The following PDE1A variants were observed in gnomAD, a reference collection of about 807,000 sequenced individuals.
The protein encoded by PDE1A is phosphodiesterase 1A, also known as dual specificity calcium/calmodulin-dependent 3',5'-cyclic nucleotide phosphodiesterase 1A.
PDE1A carries 35 observed loss-of-function variants against 61.7 expected under a neutral mutation model. That is an observed-to-expected ratio of 0.57 (90% CI 0.43 to 0.75). PDE1A has a LOEUF of 0.75. PDE1A is among the 30% of genes least tolerant of loss of function. The pLI, the probability that PDE1A is intolerant of heterozygous loss-of-function variation, is 0.00. For missense variants in PDE1A, 597 were observed against 630.6 expected, an observed-to-expected ratio of 0.95 and a Z score of 0.57; for synonymous variants, 232 against 213.2, an observed-to-expected ratio of 1.09 and a Z score of -0.77.
At chr2:182,560,265 C>T in the PDE1A span, among the ~76,000 whole-genome samples, 5 of 140,976 alleles carry the variant, frequency 3.5e-5, no homozygotes, top group East Asian at 2.1e-4. Context: ...TTCCTGTGTC[C>T]GTGTGTTCTC....
intron 13 of PDE1A, among the ~76,000 whole-genome samples, chr2:182,175,349 T>C (rs1450517285): frequency 6.6e-6 from 1 of 152,216 alleles, no homozygotes; most frequent in African/African-American, 2.4e-5. Flanking sequence ...GTATCTGTTA[T>C]TTCCTGACTT....
At chr2:182,430,501 T>C (rs1321919076), upstream of PDE1A, among the ~76,000 whole-genome samples, 10 of 76,472 alleles carry the variant, frequency 1.3e-4, no homozygotes, top group South Asian at 2.9e-3. Flanking sequence ...ACTTTTACAC[T>C]GTTGGTGGGA....
chr2:182,388,206 G>C (rs1701227399), intron 1 of PDE1A, among the ~76,000 whole-genome samples: 1 of 152,088 alleles, frequency 6.6e-6, no homozygotes, highest in African/African-American at 2.4e-5. Flanking sequence ...GATCTGAAGA[G>C]AGAGACACAC....
At chr2:182,191,983 G>A (rs1685738454) in intron 10 of PDE1A, among the ~76,000 whole-genome samples, 2 of 151,802 alleles carry the variant, frequency 1.3e-5, no homozygotes, top group African/African-American at 2.4e-5. Context: ...AGCCTCCCAA[G>A]TAGCTGGGAT....
At chr2:182,686,500 A>G in the PDE1A span, among the ~76,000 whole-genome samples, 1 of 152,354 alleles carries the variant, frequency 6.6e-6, no homozygotes, top group Non-Finnish European at 1.5e-5. Flanking sequence ...TTGGTCTGAA[A>G]TAGCAAGTAA....
At chr2:182,190,107 G>T (rs553058352) in intron 10 of PDE1A, among the ~76,000 whole-genome samples, 1 of 152,308 alleles carries the variant, frequency 6.6e-6, no homozygotes, top group Admixed American at 6.5e-5. Flanking sequence ...ACAACTGTTT[G>T]AGAATATCTT....
the PDE1A span, among the ~76,000 whole-genome samples, chr2:182,634,047 C>T: frequency 6.6e-6 from 1 of 151,930 alleles, no homozygotes; most frequent in Non-Finnish European, 1.5e-5. Context: ...CAAAATCACA[C>T]CATTGTACTC....
chr2:182,276,558 A>T (rs1693424869), intron 1 of PDE1A, among the ~76,000 whole-genome samples: 1 of 152,018 alleles, frequency 6.6e-6, no homozygotes, highest in Non-Finnish European at 1.5e-5. Context: ...CAGGACCACT[A>T]TTGTACAAAT....
At chr2:182,683,848 G>C in the PDE1A span, among the ~76,000 whole-genome samples, 16 of 152,178 alleles carry the variant, frequency 1.1e-4, no homozygotes, top group Admixed American at 3.9e-4. Context: ...GGCTGGGAGC[G>C]GGGGCTCACG....
At chr2:182,642,845 T>TCCAGTGACACTTTAGATTTC in the PDE1A span, among the ~76,000 whole-genome samples, 2 of 152,134 alleles carry the variant, frequency 1.3e-5, no homozygotes, top group Non-Finnish European at 2.9e-5. Context: ...AATTGCGTCT[T>TCCAGTGACACTTTAGATTTC]CCAGTGACAC....
chr2:182,394,468 A>G (rs1475213161), intron 1 of PDE1A, among the ~76,000 whole-genome samples: 1 of 152,176 alleles, frequency 6.6e-6, no homozygotes, highest in African/African-American at 2.4e-5. Flanking sequence ...GCTACAATTC[A>G]AGATGAGATT....
upstream of PDE1A, among the ~76,000 whole-genome samples, chr2:182,524,354 T>C (rs572103617): frequency 1.3e-5 from 2 of 152,340 alleles, no homozygotes; most frequent in African/African-American, 4.8e-5. Context: ...ATTTTCTAAA[T>C]ATGACATGAA....
chr2:182,149,642 G>T (rs1329182200), intron 13 of PDE1A, among the ~76,000 whole-genome samples: 2 of 151,998 alleles, frequency 1.3e-5, no homozygotes, highest in Non-Finnish European at 2.9e-5. Context: ...CAATTAACTT[G>T]GGCAGTACTG....
At chr2:182,697,825 A>G in the PDE1A span, among the ~76,000 whole-genome samples, 8 of 152,226 alleles carry the variant, frequency 5.3e-5, no homozygotes, top group Non-Finnish European at 1.0e-4. Flanking sequence ...TGGGCGCTGT[A>G]TGACTCCATT....
chr2:182,712,845 C>T, the PDE1A span, among the ~76,000 whole-genome samples: 4 of 152,278 alleles, frequency 2.6e-5, no homozygotes, highest in South Asian at 2.1e-4. Context: ...TATGAGCCAC[C>T]GCGCCTGGCT....
chr2:182,450,977 A>G (rs1197669590), intron 2 of PDE1A, among the ~76,000 whole-genome samples: 1 of 152,154 alleles, frequency 6.6e-6, no homozygotes, highest in African/African-American at 2.4e-5. Flanking sequence ...TTAAGCCTGT[A>G]TTCTGTAATT....
At position 182,464,105 on chromosome 2, in the gene PDE1A, C is replaced by A. The variant is rs147808069; in HGVS notation, c.101+58171G>T. Among the ~76,000 whole-genome samples, 911 of 152,212 alleles carry A rather than the reference C, an allele frequency of 6.0e-3. 10 individuals are homozygous for A. Among genetic ancestry groups the A allele is most frequent in the African/African-American group, 0.021 (875 of 41,544 alleles). ...CCCATCCTGACCTGGTCACCTATAC[C>A]AAGCCATGCCAAGAATCTAGAACTC... On this transcript the variant is annotated intron_variant, in intron 2 of 14. Transcript: ENST00000410103.
chr2:182,342,139 A>G (rs1165723121), intron 1 of PDE1A, among the ~76,000 whole-genome samples: 1 of 152,154 alleles, frequency 6.6e-6, no homozygotes, highest in Non-Finnish European at 1.5e-5. Context: ...TTTGTGTTAA[A>G]TGTTCATTTT....
intron 13 of PDE1A, among the ~76,000 whole-genome samples, chr2:182,151,781 A>G (rs1690793505): frequency 6.6e-6 from 1 of 152,220 alleles, no homozygotes; most frequent in African/African-American, 2.4e-5. Context: ...TTTCTCATGT[A>G]GATATAAAAA....
Sources: allele counts gnomAD v4.1 joint callset (sites outside exome capture counted in the v4.1 genomes callset), GRCh38; gene constraint gnomAD v4.1.1; transcripts MANE v1.5; gene names NCBI Gene and HGNC (gene_info 2026-07-23, HGNC 2026-07-21).